Variants in WWP2 observed in about 807,000 individuals in gnomAD.
WWP2 encodes the protein WW domain containing E3 ubiquitin protein ligase 2.
Under a neutral mutation model 121.0 loss-of-function variants are expected in WWP2, and 57 were observed. That is an observed-to-expected ratio of 0.47 (90% CI 0.38 to 0.59). The LOEUF is 0.59. WWP2 is among the 20% of genes least tolerant of loss of function. The probability of loss-of-function intolerance (pLI) is 0.00; values close to 1 mark genes in which losing one functional copy is unlikely to be tolerated. For missense variants in WWP2, 962 were observed against 1,158.9 expected, an observed-to-expected ratio of 0.83 and a Z score of 2.47; for synonymous variants, 449 against 441.3, an observed-to-expected ratio of 1.02 and a Z score of -0.22.
In WWP2 at chr16:69,925,203, T is replaced by C; in HGVS notation, c.1180-227T>C. On this transcript the variant is annotated intron_variant, in intron 10 of 23. Transcript: ENST00000359154. The surrounding 1 kb of genome is among the most constrained non-coding windows in gnomAD (Gnocchi z 4.0). ...TCGCTCTGCCTTTTCCAAAACTCAC[T>C]TGGGCCCTCCGTGCGCAGGGTTCTT... is the stretch of plus-strand genomic sequence containing the variant. 1 of 1,378,682 alleles carries C rather than the reference T, an allele frequency of 7.3e-7. No individual in the cohort carries two copies. The highest frequency in any genetic ancestry group is 1.7e-5 in the South Asian group (1 of 58,516). 85.4% of individuals were successfully genotyped at this position (1,378,682 alleles called of 1,614,324 possible). A position where few individuals can be genotyped will look rare whatever the true frequency, so the allele number is the denominator to read the frequency against.
intron 8 of WWP2, among the ~76,000 whole-genome samples, chr16:69,889,703 G>A (rs1469873969): frequency 6.6e-6 from 1 of 152,178 alleles, no homozygotes; most frequent in Non-Finnish European, 1.5e-5. Context: ...TCGCAGCTCT[G>A]ATCATGGTTG....
At chr16:69,882,874 C>G (rs966369152) in intron 7 of WWP2, among the ~76,000 whole-genome samples, 2 of 152,054 alleles carry the variant, frequency 1.3e-5, no homozygotes, top group Non-Finnish European at 2.9e-5. Context: ...TACAGCAGAC[C>G]GGGTGCGGTG....
At position 69,937,175 on chromosome 16, in the gene WWP2, G is replaced by A. The variant is rs1452197434; in HGVS notation, c.2175G>A (p.Leu725=). Residue 725 remains leucine, a synonymous_variant, in exon 20 of 24, where the codon CTG becomes CTA. Coordinates refer to ENST00000359154, the MANE Select transcript of WWP2 (RefSeq NM_001270454.2). This position sits in a 1 kb window ranked among gnomAD's most constrained non-coding sequence, Gnocchi z 6.6. ...RGVEEQTKAF[L]DGFNEVAPLE... Reference sequence around the variant, plus strand: ...TGGAAGAGCAGACCAAAGCCTTCCTGGATGGCTTCAACGAGGTGGCCCCGC... The same window carrying A: ...TGGAAGAGCAGACCAAAGCCTTCCTAGATGGCTTCAACGAGGTGGCCCCGC... The A allele has an allele frequency of 6.2e-7, 1 of 1,614,076 alleles. No individual in the cohort carries two copies. Among genetic ancestry groups the A allele is most frequent in the Admixed American group, 1.7e-5 (1 of 60,016 alleles).
chr16:69,882,970 T>C (rs1233348434), intron 7 of WWP2, among the ~76,000 whole-genome samples: 1 of 151,890 alleles, frequency 6.6e-6, no homozygotes, highest in Non-Finnish European at 1.5e-5. Context: ...CTGGCCAACA[T>C]AGTAAAACCC....
At chr16:69,879,795 C>T (rs891221116) in intron 7 of WWP2, among the ~76,000 whole-genome samples, 3 of 152,068 alleles carry the variant, frequency 2.0e-5, no homozygotes, top group African/African-American at 7.2e-5. Context: ...ATGGGCATGA[C>T]GTGTGTAGCT....
intron 4 of WWP2, among the ~76,000 whole-genome samples, chr16:69,810,576 C>T (rs1218697312): frequency 5.9e-5 from 9 of 151,460 alleles, no homozygotes; most frequent in Non-Finnish European, 8.8e-5. Flanking sequence ...TATAGGCACC[C>T]ACCACCACGC....
chr16:69,766,225 C>T (rs911517872), intron 1 of WWP2, among the ~76,000 whole-genome samples: 1 of 152,174 alleles, frequency 6.6e-6, no homozygotes, highest in African/African-American at 2.4e-5. Context: ...GTCTCTTCCT[C>T]TCACACCCCA....
chr16:69,890,271 C>A (rs1012183971), intron 8 of WWP2, among the ~76,000 whole-genome samples: 1 of 152,040 alleles, frequency 6.6e-6, no homozygotes, highest in African/African-American at 2.4e-5. Flanking sequence ...TCCTAGCATG[C>A]GCCACGCTAC....
At chr16:69,918,079 T>C (rs1031266953) in intron 10 of WWP2, among the ~76,000 whole-genome samples, 196 bp downstream of exon 10, 1 of 152,232 alleles carries the variant, frequency 6.6e-6, no homozygotes, top group Non-Finnish European at 1.5e-5. Context: ...CAGCTCCATA[T>C]CTAGCCTCTG....
At chr16:69,788,711 AATTT>A (rs1297701803) in intron 2 of WWP2, among the ~76,000 whole-genome samples, 2 of 152,114 alleles carry the variant, frequency 1.3e-5, no homozygotes, top group Non-Finnish European at 2.9e-5. Flanking sequence ...CTGTTTAATT[AATTT>A]ATTTCATTTG....
chr16:69,831,491 G>A (rs2056792943), intron 4 of WWP2, among the ~76,000 whole-genome samples: 1 of 151,972 alleles, frequency 6.6e-6, no homozygotes, highest in South Asian at 2.1e-4. Context: ...CAATTTCCAT[G>A]CCCTATTTAT....
chr16:69,801,005 G>A (rs1178870632), intron 4 of WWP2, among the ~76,000 whole-genome samples: 1 of 148,338 alleles, frequency 6.7e-6, no homozygotes, highest in Non-Finnish European at 1.5e-5. Context: ...GGCCAATATG[G>A]CGAAACCCTG....
chr16:69,825,279 C>T (rs62051384), intron 4 of WWP2, among the ~76,000 whole-genome samples: 57,382 of 151,142 alleles, frequency 0.38, 11,092 homozygotes, highest in Admixed American at 0.49. Flanking sequence ...ACAAAATTAG[C>T]TGGGCATGGT....
intron 13 of WWP2, among the ~76,000 whole-genome samples, chr16:69,930,475 C>T (rs1348907426): frequency 6.6e-6 from 1 of 152,130 alleles, no homozygotes; most frequent in Non-Finnish European, 1.5e-5. Context: ...GAGACCGTGT[C>T]TCCACAACAA....
At chr16:69,912,813 G>A (rs560838424) in intron 9 of WWP2, among the ~76,000 whole-genome samples, 1 of 148,240 alleles carries the variant, frequency 6.7e-6, no homozygotes, top group South Asian at 2.2e-4. Context: ...CAGAGGCCAA[G>A]GCAGGAGGAT....
chr16:69,934,387 A>G (rs2058764709), intron 17 of WWP2, among the ~76,000 whole-genome samples: 1 of 152,172 alleles, frequency 6.6e-6, no homozygotes, highest in East Asian at 2.0e-4. Flanking sequence ...GCAAGAAGCT[A>G]GAGAGAGTTC....
At chr16:69,826,412 A>G (rs1245614577) in intron 4 of WWP2, among the ~76,000 whole-genome samples, 1 of 151,080 alleles carries the variant, frequency 6.6e-6, no homozygotes, top group Non-Finnish European at 1.5e-5. Flanking sequence ...CTAAAAATAC[A>G]CACAAAAAAA....
chr16:69,827,830 A>G (rs926186572), intron 4 of WWP2: 30 of 452,618 alleles, frequency 6.6e-5, no homozygotes, highest in Non-Finnish European at 1.2e-4. Flanking sequence ...GGCAGCAGTA[A>G]TGATGTGAAC....
At position 69,871,872 on chromosome 16, in the gene WWP2, G is replaced by C. The variant is rs139932753; in HGVS notation, c.644G>C (p.Arg215Pro). 6.2e-7 allele frequency: 1 copy of C among 1,614,082 alleles called. No homozygotes were observed. Among genetic ancestry groups the C allele is most frequent in the South Asian group, 1.1e-5 (1 of 91,084 alleles). Residue 215 changes from arginine (R) to proline (P), a missense_variant, in exon 7 of 24, where the codon CGG (arginine) becomes CCG (proline). Coordinates refer to ENST00000359154, the MANE Select transcript of WWP2 (RefSeq NM_001270454.2). ...ACCGGCGAGCAAAGCCCCGGTGCTC[G>C]GAGCCGGCACCGCCAGCCCGTCAAG... is the stretch of plus-strand genomic sequence containing the variant. The part of the protein sequence containing the change: ...PATGEQSPGA[R>P]SRHRQPVKNS...
Sources: allele counts gnomAD v4.1 joint callset (sites outside exome capture counted in the v4.1 genomes callset), GRCh38; gene constraint gnomAD v4.1.1; non-coding constraint Gnocchi (gnomAD v3.1); transcripts MANE v1.5; gene names NCBI Gene and HGNC (gene_info 2026-07-23, HGNC 2026-07-21).